The following PVT1 variants were observed in gnomAD, a reference collection of about 807,000 sequenced individuals.
PVT1 encodes the protein CXCR4/PVT1 fusion.
At chr8:127,827,753 A>T (rs910334467) in intron 2 of PVT1, among the ~76,000 whole-genome samples, 1 of 151,954 alleles carries the variant, frequency 6.6e-6, no homozygotes, top group Non-Finnish European at 1.5e-5. Flanking sequence ...CCAGACCATG[A>T]GTCTTGAGTT....
In PVT1 at chr8:128,082,097, A is replaced by G. The variant is rs192650445; in HGVS notation, n.1114+11736A>G. 9.2e-5 allele frequency among the ~76,000 whole-genome samples: 14 copies of G among 152,354 alleles called. No individual in the cohort carries two copies. The East Asian group carries it at 2.5e-3, about 27-fold the overall frequency. ...AAGTCTCATAGGGTAATGAGTGATA[A>G]TAGCAGTGACAACAATAATAAAAAT... On this transcript the variant is annotated intron_variant and non_coding_transcript_variant, in intron 5 of 10. Coordinates refer to ENST00000651587, the Ensembl canonical transcript of PVT1.
intron 4 of PVT1, among the ~76,000 whole-genome samples, chr8:128,020,421 AGT>A: frequency 6.6e-6 from 1 of 152,306 alleles, no homozygotes. Context: ...AAAGATTGTA[AGT>A]GTGAGAAGGA....
intron 2 of PVT1, among the ~76,000 whole-genome samples, chr8:127,870,379 C>T (rs1029834582): frequency 8.5e-5 from 13 of 152,150 alleles, no homozygotes; most frequent in African/African-American, 3.1e-4. Flanking sequence ...AGCACAGTCC[C>T]GCTGACACCT....
At chr8:128,066,266 C>T (rs1813909115) in intron 4 of PVT1, among the ~76,000 whole-genome samples, 1 of 152,168 alleles carries the variant, frequency 6.6e-6, no homozygotes, top group Non-Finnish European at 1.5e-5. Context: ...GCAGAATTGA[C>T]ATGTCATTTC....
intron 5 of PVT1, among the ~76,000 whole-genome samples, chr8:128,087,747 C>CTTTTTTTTTTTTT (rs71568675): frequency 1.3e-5 from 1 of 76,610 alleles, no homozygotes; most frequent in African/African-American, 4.9e-5. Flanking sequence ...TGATGTGCTA[C>CTTTTTTTTTTTTT]TTTTTTTTTT....
chr8:127,996,513 C>T (rs938848498), intron 4 of PVT1: 4 of 151,888 alleles, frequency 2.6e-5, no homozygotes, highest in Non-Finnish European at 5.9e-5. Flanking sequence ...GACTGCACAA[C>T]AACACTGAGC....
chr8:127,904,107 A>G (rs1455305565), intron 3 of PVT1, among the ~76,000 whole-genome samples: 1 of 152,160 alleles, frequency 6.6e-6, no homozygotes, highest in Non-Finnish European at 1.5e-5. Flanking sequence ...TCTTTCAACA[A>G]TGTTTTGTAG....
chr8:127,932,363 C>T, intron 3 of PVT1: 1 of 398,492 alleles, frequency 2.5e-6, no homozygotes, highest in Non-Finnish European at 4.4e-6. Flanking sequence ...TAATGAAGGC[C>T]TTCCTTGGGA....
At chr8:128,005,479 C>T (rs909281252) in intron 4 of PVT1, among the ~76,000 whole-genome samples, 2 of 152,196 alleles carry the variant, frequency 1.3e-5, no homozygotes, top group Non-Finnish European at 2.9e-5. Context: ...TCTCAAATAG[C>T]ATCCAACAGA....
chr8:127,938,047 GCTGGGAATCA>G (rs1816300716), intron 3 of PVT1, among the ~76,000 whole-genome samples: 1 of 152,128 alleles, frequency 6.6e-6, no homozygotes, highest in Non-Finnish European at 1.5e-5. Context: ...GCGGAAGCCA[GCTGGGAATCA>G]CTGGCCTTGT....
At position 127,924,604 on chromosome 8, in the gene PVT1, C is replaced by T. The variant is rs1404927430; in HGVS notation, n.782+33606C>T. Among the ~76,000 whole-genome samples the T allele has an allele frequency of 4.6e-5, 7 of 151,456 alleles. No individual in the cohort carries two copies. In the East Asian group the frequency reaches 7.8e-4, roughly 17 times the overall value. Reference sequence around the variant, plus strand: ...TCGGCTCACTGTAAGCTCCGCCTCCCGTGTTCATGCCATTCTCCTGCCTCA... The same window carrying T: ...TCGGCTCACTGTAAGCTCCGCCTCCTGTGTTCATGCCATTCTCCTGCCTCA... On this transcript the variant is annotated intron_variant and non_coding_transcript_variant, in intron 3 of 10. Transcript: ENST00000651587.
At chr8:127,983,737 T>C (rs968651131) in intron 3 of PVT1, among the ~76,000 whole-genome samples, 1 of 152,192 alleles carries the variant, frequency 6.6e-6, no homozygotes, top group Non-Finnish European at 1.5e-5. Context: ...ATTGCTGCAA[T>C]TGTATTATCC....
At chr8:127,823,240 G>A (rs936919453) in intron 2 of PVT1, among the ~76,000 whole-genome samples, 1 of 152,178 alleles carries the variant, frequency 6.6e-6, no homozygotes, top group East Asian at 1.9e-4. Flanking sequence ...GTGTCAGGTT[G>A]TTGGGGAGGC....
chr8:127,927,611 G>A (rs1816146556), intron 3 of PVT1, among the ~76,000 whole-genome samples: 1 of 152,176 alleles, frequency 6.6e-6, no homozygotes, highest in Non-Finnish European at 1.5e-5. Context: ...GGGGGTGTAT[G>A]AAGAGTATGA....
At chr8:127,866,836 G>A (rs550230918) in intron 2 of PVT1, among the ~76,000 whole-genome samples, 7 of 152,246 alleles carry the variant, frequency 4.6e-5, no homozygotes, top group South Asian at 4.2e-4. Context: ...CCCATCTGCC[G>A]ACCCTCCGCA....
At position 127,988,552 on chromosome 8, in the gene PVT1, G is replaced by A. The variant is rs560688191; in HGVS notation, n.783-610G>A. Among the ~76,000 whole-genome samples, 33 of 152,332 alleles carry A rather than the reference G, an allele frequency of 2.2e-4. 1 individual carries two copies. The highest frequency in any genetic ancestry group is 2.1e-3 in the South Asian group (10 of 4,820). ...TTTGACCACCTCATCTAGCCATCTT[G>A]ATGATCAGTTAAGATAAGAATCTCT... On this transcript the variant is annotated intron_variant and non_coding_transcript_variant, in intron 3 of 10. Transcript: ENST00000651587.
intron 3 of PVT1, among the ~76,000 whole-genome samples, chr8:127,979,454 A>G (rs17776826): frequency 0.21 from 32,049 of 152,182 alleles, 3,467 homozygotes; most frequent in South Asian, 0.33. Context: ...AGCATCTGTC[A>G]TATAAACCTT....
chr8:127,896,695 TG>T (rs1815681379), intron 3 of PVT1, among the ~76,000 whole-genome samples: 4 of 152,004 alleles, frequency 2.6e-5, no homozygotes, highest in Non-Finnish European at 5.9e-5. Context: ...ACGTGTGCCA[TG>T]TGATTTGCTG....
intron 4 of PVT1, among the ~76,000 whole-genome samples, chr8:128,006,740 A>T (rs1229735324): frequency 1.3e-5 from 2 of 152,222 alleles, no homozygotes; most frequent in Non-Finnish European, 2.9e-5. Flanking sequence ...GCAATTTTTT[A>T]AAAATCAGTC....
Sources: gnomAD v4.1 joint callset for allele counts (sites outside exome capture counted in the v4.1 genomes callset) on GRCh38, gnomAD v4.1.1 for gene constraint, MANE v1.5 for transcripts, NCBI Gene and HGNC (gene_info 2026-07-23, HGNC 2026-07-21) for gene names.